The following UBE3D variants were observed in gnomAD, a reference collection of about 807,000 sequenced individuals.
UBE3D encodes the protein ubiquitin protein ligase E3D, also known as E3 ubiquitin-protein ligase E3D.
In UBE3D, 48 loss-of-function variants were observed where a neutral mutation model predicts 49.6. The ratio of observed to expected loss-of-function variants is 0.97; its 90% CI spans 0.77 to 1.23. The LOEUF is 1.23. Ranked by LOEUF, UBE3D falls within the 50% of genes most tolerant of loss-of-function variation. UBE3D has a pLI of 0.00. For synonymous variants in UBE3D, 189 were observed against 174.2 expected, an observed-to-expected ratio of 1.08 and a Z score of -0.67; for missense variants, 452 against 468.4, an observed-to-expected ratio of 0.96 and a Z score of 0.32.
At chr6:83,059,325 A>C (rs1784017964) in intron 1 of UBE3D, among the ~76,000 whole-genome samples, 1 of 152,184 alleles carries the variant, frequency 6.6e-6, no homozygotes. Flanking sequence ...AGGAGGCTGC[A>C]GTGAGCCATG....
chr6:82,930,240 C>T (rs1179516444), intron 9 of UBE3D, among the ~76,000 whole-genome samples: 3 of 152,142 alleles, frequency 2.0e-5, no homozygotes, highest in African/African-American at 7.2e-5. Context: ...TTCCTGAGGC[C>T]TCCCCAGTCA....
intron 8 of UBE3D, among the ~76,000 whole-genome samples, chr6:82,973,359 A>G (rs1777485575): frequency 6.6e-6 from 1 of 152,192 alleles, no homozygotes; most frequent in Non-Finnish European, 1.5e-5. Context: ...TGATTATTGA[A>G]ACTGGAAAAT....
intron 9 of UBE3D, among the ~76,000 whole-genome samples, chr6:82,921,377 C>T (rs1479088087): frequency 6.6e-6 from 1 of 152,160 alleles, no homozygotes; most frequent in African/African-American, 2.4e-5. Context: ...TTCCCTAAGG[C>T]TTCTGCCCAT....
rs535101959 is a variant in UBE3D at position 82,996,472 on chromosome 6, A to G, written c.1010+22501T>C. On this transcript the variant is annotated intron_variant, in intron 8 of 9. Transcript: ENST00000369747. ...CAAATCTTCTTGCCTAAAAATTCCAAATAAAATCTACAGACAATACCTTCC... is the reference window on the plus strand; with the variant it reads ...CAAATCTTCTTGCCTAAAAATTCCAGATAAAATCTACAGACAATACCTTCC... 1.2e-4 allele frequency among the ~76,000 whole-genome samples: 18 copies of G among 152,324 alleles called. No homozygotes were observed. The East Asian group carries it at 3.5e-3, about 29-fold the overall frequency.
At chr6:82,905,105 A>G (rs544976485) in intron 9 of UBE3D, among the ~76,000 whole-genome samples, 54 of 152,290 alleles carry the variant, frequency 3.5e-4, no homozygotes, top group Non-Finnish European at 7.1e-4. Context: ...GACCTTTAAT[A>G]TATGAAACTA....
intron 9 of UBE3D, among the ~76,000 whole-genome samples, chr6:82,939,682 C>T (rs1452954944): frequency 6.6e-6 from 1 of 152,152 alleles, no homozygotes; most frequent in Non-Finnish European, 1.5e-5. Context: ...CCCAGCCCAT[C>T]TAGGTTTGTG....
chr6:82,969,973 A>C (rs1777227773), intron 8 of UBE3D, among the ~76,000 whole-genome samples: 1 of 151,276 alleles, frequency 6.6e-6, no homozygotes, highest in Admixed American at 6.6e-5. Flanking sequence ...AGACAAATAG[A>C]TCCATGGAAC....
At chr6:82,899,008 A>G (rs887252951) in intron 9 of UBE3D, among the ~76,000 whole-genome samples, 23 of 152,136 alleles carry the variant, frequency 1.5e-4, no homozygotes, top group African/African-American at 4.3e-4. Flanking sequence ...GGTGATTCCA[A>G]TCCTAAGGTG....
chr6:82,965,570 C>G (rs998461761), intron 8 of UBE3D, among the ~76,000 whole-genome samples: 1 of 116,724 alleles, frequency 8.6e-6, no homozygotes. Flanking sequence ...ACAACAAGAG[C>G]GAAACTCCAT....
chr6:82,960,840 A>G (rs1445511533), intron 8 of UBE3D, among the ~76,000 whole-genome samples: 1 of 152,136 alleles, frequency 6.6e-6, no homozygotes, highest in African/African-American at 2.4e-5. Flanking sequence ...CCTCACTGAC[A>G]TTTGTATGTT....
rs543228353 is a variant in UBE3D at position 82,903,701 on chromosome 6, C to T, written c.1150-10659G>A. 2.0e-5 allele frequency among the ~76,000 whole-genome samples: 3 copies of T among 152,202 alleles called. No homozygotes were observed. In the South Asian group the frequency reaches 6.2e-4, roughly 32 times the overall value. ...AAAAAGAAAAACATGCTAATATAGC[C>T]ATTTAAGAATAAATACCATTTATTT... On this transcript the variant is annotated intron_variant, in intron 9 of 9. Transcript: ENST00000369747.
intron 8 of UBE3D, among the ~76,000 whole-genome samples, chr6:82,989,056 G>A (rs959347184): frequency 6.6e-6 from 1 of 152,036 alleles, no homozygotes; most frequent in Non-Finnish European, 1.5e-5. Context: ...AATAATGTAT[G>A]TGTCATTTAT....
rs762952211 is a variant in UBE3D, at chr6:82,957,420, G to T, written c.1041C>A (p.Ser347Arg). ...KLVSLWESDISVHPLTLPSAT... is the reference protein window; with the variant it reads ...KLVSLWESDIRVHPLTLPSAT... ...CAGAGGGCAGGGTTAGCGGGTGGAC[G>T]CTGATGTCACTTTCCCACAAGCTGA... Residue 347 changes from serine (S) to arginine (R), a missense_variant, in exon 9 of 10, where the codon AGC becomes AGA. Ser to Arg is a moderately radical substitution (Grantham distance 110, BLOSUM62 -1). Coordinates refer to ENST00000369747, the MANE Select transcript of UBE3D (RefSeq NM_198920.3). The T allele has an allele frequency of 6.2e-7, 1 of 1,614,002 alleles. No homozygotes were observed. The highest frequency in any genetic ancestry group is 1.1e-5 in the South Asian group (1 of 91,064).
intron 8 of UBE3D, among the ~76,000 whole-genome samples, chr6:83,015,786 G>A (rs1780658297): frequency 6.6e-6 from 1 of 152,142 alleles, no homozygotes; most frequent in Admixed American, 6.5e-5. Flanking sequence ...GGCCATAAGG[G>A]GAGGCCTGTT....
At chr6:82,957,968 A>G (rs1004191168) in intron 8 of UBE3D, among the ~76,000 whole-genome samples, 13 of 152,224 alleles carry the variant, frequency 8.5e-5, no homozygotes, top group African/African-American at 3.1e-4. Context: ...ATCTTGTAAC[A>G]GCCCCAACTT....
intron 8 of UBE3D, among the ~76,000 whole-genome samples, chr6:82,960,741 A>C (rs1776489746): frequency 1.3e-5 from 2 of 151,986 alleles, no homozygotes; most frequent in Admixed American, 6.5e-5. Context: ...TTTGGAAATA[A>C]AGATTTAAAA....
At chr6:82,890,928 C>A (rs1403674721), downstream of UBE3D, among the ~76,000 whole-genome samples, 1 of 152,000 alleles carries the variant, frequency 6.6e-6, no homozygotes, top group Non-Finnish European at 1.5e-5. Context: ...GAAGAAAATT[C>A]TTTTTTATGC....
Position 83,038,283 on chromosome 6 carries a change from G to T in UBE3D, c.667+133C>A, listed in dbSNP as rs1037926372. ...GTATATTGGATGGTATGTTACTTGG[G>T]GTCTATTTTGAAAAGCACCAATTCC... On this transcript the variant is annotated intron_variant, in intron 5 of 9. Transcript: ENST00000369747. 6 of 674,262 alleles carry T rather than the reference G, an allele frequency of 8.9e-6. No homozygotes were observed. The African/African-American group carries it at 9.2e-5, about 10-fold the overall frequency. The allele number at this position is 674,262 out of a possible 1,614,324, so 41.8% of individuals were successfully genotyped here.
intron 5 of UBE3D, among the ~76,000 whole-genome samples, chr6:83,033,516 G>A (rs1782027716): frequency 6.6e-6 from 1 of 152,066 alleles, no homozygotes; most frequent in Non-Finnish European, 1.5e-5. Context: ...GAATGGTTTA[G>A]CACCATCCCC....
Sources: gnomAD v4.1 joint callset for allele counts (sites outside exome capture counted in the v4.1 genomes callset) on GRCh38, gnomAD v4.1.1 for gene constraint, MANE v1.5 for transcripts, NCBI Gene and HGNC (gene_info 2026-07-23, HGNC 2026-07-21) for gene names.